The following LRIG2 variants were observed in gnomAD, a reference collection of about 807,000 sequenced individuals.
LRIG2 encodes leucine-rich repeats and immunoglobulin-like domains protein 2.
A neutral mutation model predicts 107.8 loss-of-function variants in LRIG2; 93 were observed. The ratio of observed to expected loss-of-function variants is 0.86; its 90% CI spans 0.73 to 1.03. The LOEUF (loss-of-function observed/expected upper bound fraction) is 1.03. Ranked by LOEUF, LRIG2 falls within the 50% of genes least tolerant of loss-of-function variation. The pLI is 0.00. For missense variants in LRIG2, 1,226 were observed against 1,296.0 expected, an observed-to-expected ratio of 0.95 and a Z score of 0.83; for synonymous variants, 471 against 470.6, an observed-to-expected ratio of 1.00 and a Z score of -0.01.
intron 1 of LRIG2, among the ~76,000 whole-genome samples, chr1:113,076,675 A>T (rs1267191003): frequency 6.6e-6 from 1 of 152,244 alleles, no homozygotes; most frequent in Admixed American, 6.5e-5. Flanking sequence ...TTGAATGTTG[A>T]AATACATGTA....
intron 1 of LRIG2, among the ~76,000 whole-genome samples, chr1:113,084,040 A>T (rs3916295): frequency 0.17 from 22,318 of 129,102 alleles, 2,910 homozygotes; most frequent in Non-Finnish European, 0.24. Flanking sequence ...AATAATAATA[A>T]TATTGGCCTT....
At chr1:113,093,340 T>A (rs993873581) in intron 3 of LRIG2, 60 bp downstream of exon 3, 4 of 1,535,312 alleles carry the variant, frequency 2.6e-6, no homozygotes, top group Admixed American at 2.0e-5. Flanking sequence ...ATTTTTTTTT[T>A]AAAGCACATA....
At position 113,110,440 on chromosome 1, in the gene LRIG2, TG is replaced by T. The variant is rs1428512517; in HGVS notation, c.1678del (p.Glu560AsnfsTer11). ...TATTGGCAGCAAGCTGGAGAAGCTC[TG>T]GAATATACTAGTATCTTACATCTTT... ...VRYWQQAGEA[L>X]EYTSILHLFN... On this transcript the variant is annotated frameshift_variant, in exon 13 of 18. Coordinates refer to ENST00000361127, the MANE Select transcript of LRIG2 (RefSeq NM_014813.3). LOFTEE classifies it high-confidence loss of function. 1.2e-6 allele frequency: 2 copies of T among 1,613,952 alleles called. No individual in the cohort carries two copies. Among genetic ancestry groups the T allele is most frequent in the African/African-American group, 2.7e-5 (2 of 74,936 alleles).
chr1:113,116,636 C>T (rs1655028714), intron 16 of LRIG2, among the ~76,000 whole-genome samples, 200 bp downstream of exon 16: 1 of 152,162 alleles, frequency 6.6e-6, no homozygotes, highest in African/African-American at 2.4e-5. Context: ...TGGAGAAACA[C>T]ATTAAACAAG....
rs12066276 is a variant in LRIG2, at chr1:113,087,277, A to G, written c.240-4041A>G. On this transcript the variant is annotated intron_variant, in intron 1 of 17. Coordinates refer to ENST00000361127, the MANE Select transcript of LRIG2 (RefSeq NM_014813.3). ...AGAACAGTGAGAGACTTCAATTTTTAAAATCATCCAAATCCATATTCCAAG... is the reference window on the plus strand; with the variant it reads ...AGAACAGTGAGAGACTTCAATTTTTGAAATCATCCAAATCCATATTCCAAG... 5.1e-3 allele frequency among the ~76,000 whole-genome samples: 780 copies of G among 152,372 alleles called. 10 individuals carry two copies. The highest frequency in any genetic ancestry group is 0.018 in the African/African-American group (732 of 41,590).
chr1:113,084,742 T>G (rs141478765), intron 1 of LRIG2, among the ~76,000 whole-genome samples: 4 of 152,264 alleles, frequency 2.6e-5, no homozygotes, highest in African/African-American at 4.8e-5. Context: ...TTTTATATGC[T>G]TTATTCTTTA....
intron 1 of LRIG2, among the ~76,000 whole-genome samples, chr1:113,076,377 T>G (rs1258908902): frequency 1.3e-5 from 2 of 152,224 alleles, no homozygotes; most frequent in East Asian, 3.9e-4. Flanking sequence ...TAAGATATAT[T>G]TTTGTGTTAA....
chr1:113,086,672 A>G (rs1192398789), intron 1 of LRIG2, among the ~76,000 whole-genome samples: 3 of 152,140 alleles, frequency 2.0e-5, no homozygotes, highest in African/African-American at 7.2e-5. Flanking sequence ...CCTATAAATA[A>G]TTTACCCCTG....
intron 13 of LRIG2, 69 bp downstream of exon 13, chr1:113,110,631 G>A (rs1252348780): frequency 1.8e-6 from 2 of 1,116,640 alleles, no homozygotes; most frequent in East Asian, 2.4e-5. Flanking sequence ...TGAATCACTT[G>A]AGAGAATTAG....
chr1:113,108,905 G>A (rs2101053101), intron 12 of LRIG2, among the ~76,000 whole-genome samples: 1 of 152,080 alleles, frequency 6.6e-6, no homozygotes, highest in African/African-American at 2.4e-5. Context: ...TCTTTAAAGT[G>A]GAATGACTGA....
chr1:113,120,979 C>T (rs1036747817), intron 17 of LRIG2, among the ~76,000 whole-genome samples: 5 of 151,902 alleles, frequency 3.3e-5, no homozygotes, highest in Admixed American at 2.6e-4. Flanking sequence ...CAACCACAAC[C>T]GGCTAATTTT....
chr1:113,119,134 AT>A (rs1475662906), intron 16 of LRIG2, 98 bp from the exon 17 acceptor site: 3 of 1,090,988 alleles, frequency 2.7e-6, no homozygotes, highest in Non-Finnish European at 2.7e-6. Flanking sequence ...TGCTCAATAC[AT>A]GCTAGCAATG....
At chr1:113,091,717 G>A (rs1267177168) in intron 2 of LRIG2, among the ~76,000 whole-genome samples, 1 of 152,120 alleles carries the variant, frequency 6.6e-6, no homozygotes, top group African/African-American at 2.4e-5. Context: ...CTTTTTAAAT[G>A]TCTTGACATG....
chr1:113,119,641 A>T, intron 17 of LRIG2, 118 bp downstream of exon 17: 1 of 833,984 alleles, frequency 1.2e-6, no homozygotes, highest in Non-Finnish European at 1.9e-6. Context: ...ATATAGGAGT[A>T]ACTGGCCATT....
chr1:113,118,203 G>A (rs541237453), intron 16 of LRIG2, among the ~76,000 whole-genome samples: 1 of 152,312 alleles, frequency 6.6e-6, no homozygotes, highest in Admixed American at 6.5e-5. Flanking sequence ...ACAGGCATGA[G>A]CCACTGCTCC....
rs954056939 is a variant in LRIG2, at chr1:113,129,331, C to T, written c.*5230C>T. On this transcript the variant is annotated 3_prime_UTR_variant, in exon 18 of 18. Transcript: ENST00000361127. ...TCTCAAAAAAAAAAAAAAAAAAACCCGTGTAGGAGTACTGCCTCTCTGCTC... is the reference window on the plus strand; with the variant it reads ...TCTCAAAAAAAAAAAAAAAAAAACCTGTGTAGGAGTACTGCCTCTCTGCTC... 1.4e-5 allele frequency: 1 copy of T among 72,556 alleles called. No individual in the cohort carries two copies. The highest frequency in any genetic ancestry group is 4.1e-5 in the African/African-American group (1 of 24,426). 4.5% of individuals were successfully genotyped at this position (72,556 alleles called of 1,614,324 possible).
intron 1 of LRIG2, among the ~76,000 whole-genome samples, chr1:113,085,751 C>T (rs983802557): frequency 6.6e-5 from 10 of 152,230 alleles, no homozygotes; most frequent in African/African-American, 2.4e-4. Context: ...TAGCCTATGG[C>T]AATTGATTAG....
intron 12 of LRIG2, among the ~76,000 whole-genome samples, chr1:113,109,483 C>T (rs1375191140): frequency 6.6e-6 from 1 of 152,170 alleles, no homozygotes; most frequent in African/African-American, 2.4e-5. Flanking sequence ...ATAATCCCCC[C>T]ATTTTATATT....
At position 113,094,688 on chromosome 1, in the gene LRIG2, A is replaced by G; in HGVS notation, c.736A>G (p.Met246Val). Residue 246 changes from methionine to valine, a missense_variant, in exon 6 of 18, where the codon ATG becomes GTG. Met to Val is a conservative substitution (Grantham distance 21). This residue lies in a region of LRIG2 where 570 missense variants were observed against 550.2 expected (regional missense o/e 1.04). Coordinates refer to ENST00000361127, the MANE Select transcript of LRIG2 (RefSeq NM_014813.3). Reference protein sequence around the residue: ...QGLDSLRSLKMQRNGISKLKD... With the variant: ...QGLDSLRSLKVQRNGISKLKD... ...GCTTGACTCCTTAAGATCTTTGAAA[A>G]TGCAGCGGAATGGAATTAGCAAACT... 3 of 1,614,052 alleles carry G rather than the reference A, an allele frequency of 1.9e-6. No homozygotes were observed. The highest frequency in any genetic ancestry group is 2.5e-6 in the Non-Finnish European group (3 of 1,179,950).
Sources: gnomAD v4.1 joint callset for allele counts (sites outside exome capture counted in the v4.1 genomes callset) on GRCh38, gnomAD v4.1.1 for gene constraint, gnomAD v4.1.1 regional missense constraint, MANE v1.5 for transcripts, NCBI Gene and HGNC (gene_info 2026-07-23, HGNC 2026-07-21) for gene names.